Variants in EYS observed in about 807,000 individuals in gnomAD.
The protein encoded by EYS is EGF-like photoreceptor maintenance factor, also known as protein eyes shut homolog.
A neutral mutation model predicts 282.1 loss-of-function variants in EYS; 250 were observed. The observed-to-expected ratio is 0.89, with a 90% CI of 0.80 to 0.98. The LOEUF is 0.98. Ranked by LOEUF, EYS falls within the 50% of genes least tolerant of loss-of-function variation. The pLI, the probability that EYS is intolerant of heterozygous loss-of-function variation, is 0.00. For missense variants in EYS, 4,016 were observed against 3,709.0 expected, an observed-to-expected ratio of 1.08 and a Z score of -2.15; for synonymous variants, 1,355 against 1,282.9, an observed-to-expected ratio of 1.06 and a Z score of -1.20.
intron 30 of EYS, among the ~76,000 whole-genome samples, chr6:64,259,646 A>T (rs1011166137): frequency 6.8e-6 from 1 of 146,250 alleles, no homozygotes; most frequent in African/African-American, 2.6e-5. Context: ...ACTTTTACAC[A>T]CGCGCACACA....
intron 5 of EYS, chr6:65,490,347 T>C: frequency 3.1e-6 from 1 of 318,062 alleles, no homozygotes; most frequent in Non-Finnish European, 5.8e-6. Flanking sequence ...ATGTAAGTAA[T>C]TTTATGGTGA....
chr6:63,924,397 C>T (rs1014064118), intron 35 of EYS, among the ~76,000 whole-genome samples: 27 of 152,182 alleles, frequency 1.8e-4, no homozygotes, highest in African/African-American at 6.3e-4. Flanking sequence ...CTGAAGTTGT[C>T]TGTGTAGTGG....
chr6:64,481,112 C>T (rs1416586120), intron 26 of EYS, among the ~76,000 whole-genome samples: 3 of 150,950 alleles, frequency 2.0e-5, no homozygotes, highest in African/African-American at 7.3e-5. Context: ...ATTTAATGTG[C>T]TGTTTATTTT....
rs142710462 is a variant in EYS, at chr6:63,809,500, G to A, written c.7229-3128C>T. On this transcript the variant is annotated intron_variant, in intron 36 of 42. Transcript: ENST00000503581. ...CCTAGTTGCCTCACAGATACCATGT[G>A]TAAAGTCATGCATTTTTTTGTCAGT... 2.2e-4 allele frequency among the ~76,000 whole-genome samples: 34 copies of A among 152,254 alleles called. No individual in the cohort carries two copies. The East Asian group carries it at 6.6e-3, about 29-fold the overall frequency.
At position 64,480,281 on chromosome 6, in the gene EYS, A is replaced by T. The variant is rs562094226; in HGVS notation, c.5645-40929T>A. On this transcript the variant is annotated intron_variant, in intron 26 of 42. Transcript: ENST00000503581. ...ACCTCCAGGAGTTATAGTAAATATC[A>T]ATTCTTTATCTTTAAATTTGTCATT... Among the ~76,000 whole-genome samples, 30 of 151,924 alleles carry T rather than the reference A, an allele frequency of 2.0e-4. No individual in the cohort carries two copies. In the East Asian group the frequency reaches 5.4e-3, roughly 27 times the overall value.
At position 64,573,605 on chromosome 6, in the gene EYS, G is replaced by A. The variant is rs777248050; in HGVS notation, c.5644+16618C>T. Among the ~76,000 whole-genome samples, 5 of 152,090 alleles carry A rather than the reference G, an allele frequency of 3.3e-5. No individual in the cohort carries two copies. The South Asian group carries it at 1.0e-3, about 32-fold the overall frequency. On this transcript the variant is annotated intron_variant, in intron 26 of 42. Transcript: ENST00000503581. ...AAGAAAAAATCAATCCCGTCAAAAA[G>A]TGGGCAAAGGATATGAGCAGACACT...
intron 33 of EYS, among the ~76,000 whole-genome samples, chr6:64,057,432 T>C (rs999754983): frequency 6.6e-6 from 1 of 151,536 alleles, no homozygotes; most frequent in South Asian, 2.1e-4. Context: ...TTATTAACAA[T>C]GATGCTCTGT....
intron 22 of EYS, among the ~76,000 whole-genome samples, chr6:64,719,428 G>A (rs752947836): frequency 6.6e-6 from 1 of 151,980 alleles, no homozygotes; most frequent in Non-Finnish European, 1.5e-5. Context: ...ATTGCTATTG[G>A]GAAAAATATC....
In EYS at chr6:65,154,256, G is replaced by A. The variant is rs558390431; in HGVS notation, c.2024-96529C>T. The stretch of plus-strand genomic sequence containing the variant: ...ATAGAAAATTCACGTAGGTACAGGT[G>A]AAAGGAAGAATAAACTGCCTTAAAA... On this transcript the variant is annotated intron_variant, in intron 12 of 42. Coordinates refer to ENST00000503581, the MANE Select transcript of EYS (RefSeq NM_001142800.2). Among the ~76,000 whole-genome samples, 3 of 151,530 alleles carry A rather than the reference G, an allele frequency of 2.0e-5. No individual in the cohort carries two copies. In the South Asian group the frequency reaches 6.2e-4, roughly 32 times the overall value.
At chr6:63,877,854 C>G (rs1327415976) in intron 35 of EYS, among the ~76,000 whole-genome samples, 1 of 152,172 alleles carries the variant, frequency 6.6e-6, no homozygotes. Context: ...ACTGTTTATT[C>G]TAGTTAGCCA....
intron 14 of EYS, among the ~76,000 whole-genome samples, chr6:64,951,513 A>G (rs1769508552): frequency 6.6e-6 from 1 of 151,996 alleles, no homozygotes; most frequent in Non-Finnish European, 1.5e-5. Flanking sequence ...TGATTACCAA[A>G]TGTCAAGAGA....
chr6:65,105,996 A>T (rs948939445), intron 12 of EYS, among the ~76,000 whole-genome samples: 34 of 152,074 alleles, frequency 2.2e-4, no homozygotes, highest in African/African-American at 7.9e-4. Context: ...AGGAATACCA[A>T]CAAAGGTGTT....
At chr6:63,940,408 A>G (rs1765197494) in intron 35 of EYS, among the ~76,000 whole-genome samples, 1 of 152,204 alleles carries the variant, frequency 6.6e-6, no homozygotes, top group African/African-American at 2.4e-5. Context: ...ATACCTTTTA[A>G]TCTTATATTG....
In EYS at chr6:64,314,194, C is replaced by CAAAAAAAAAAAAAAAAA. The variant is rs138447983; in HGVS notation, c.6079-7129_6079-7113dup. ...GAAGATTTACTAAACAAATGGAAAG[C>CAAAAAAAAAAAAAAAAA]AAAAAAAAAAAAAAAAAAAAAAAAG... On this transcript the variant is annotated intron_variant, in intron 29 of 42. Transcript: ENST00000503581. Among the ~76,000 whole-genome samples, 5 of 27,674 alleles carry CAAAAAAAAAAAAAAAAA rather than the reference C, an allele frequency of 1.8e-4. 1 individual carries two copies. Among genetic ancestry groups the CAAAAAAAAAAAAAAAAA allele is most frequent in the African/African-American group, 1.5e-4 (1 of 6,472 alleles). 18.2% of individuals were successfully genotyped at this position (27,674 alleles called of 152,430 possible).
At chr6:64,173,119 A>T (rs959152115) in intron 31 of EYS, among the ~76,000 whole-genome samples, 3 of 152,170 alleles carry the variant, frequency 2.0e-5, no homozygotes, top group Non-Finnish European at 4.4e-5. Flanking sequence ...AGAAACTCAT[A>T]GTCTTGAGTA....
intron 12 of EYS, among the ~76,000 whole-genome samples, chr6:65,294,062 G>C (rs1768598747): frequency 1.3e-5 from 2 of 151,698 alleles, no homozygotes; most frequent in African/African-American, 2.4e-5. Flanking sequence ...AGGATCATAT[G>C]ATGGGGAGAG....
chr6:65,296,528 A>T (rs2150286729), intron 11 of EYS, among the ~76,000 whole-genome samples: 1 of 151,606 alleles, frequency 6.6e-6, no homozygotes, highest in Middle Eastern at 3.4e-3. Context: ...TGTCACAACT[A>T]TATATATATA....
At chr6:63,829,392 C>A (rs1014005465) in intron 36 of EYS, among the ~76,000 whole-genome samples, 1 of 152,174 alleles carries the variant, frequency 6.6e-6, no homozygotes, top group African/African-American at 2.4e-5. Context: ...ATGGTCTTAG[C>A]AAATGGCACA....
intron 2 of EYS, among the ~76,000 whole-genome samples, chr6:65,584,856 A>C (rs1764989135): frequency 6.6e-6 from 1 of 150,710 alleles, no homozygotes; most frequent in Admixed American, 6.6e-5. Flanking sequence ...ATTTACTTAT[A>C]AACCTATTAA....
Sources: allele counts gnomAD v4.1 joint callset (sites outside exome capture counted in the v4.1 genomes callset), GRCh38; gene constraint gnomAD v4.1.1; transcripts MANE v1.5; gene names NCBI Gene and HGNC (gene_info 2026-07-23, HGNC 2026-07-21).